Variants in SHC4 observed in about 807,000 individuals in gnomAD.
The protein encoded by SHC4 is SHC-transforming protein 4.
SHC4 carries 41 observed loss-of-function variants against 69.4 expected under a neutral mutation model. That is an observed-to-expected ratio of 0.59 (90% CI 0.46 to 0.77). SHC4 has a LOEUF of 0.77. SHC4 is among the 30% of genes least tolerant of loss of function. The pLI is 0.00. For synonymous variants in SHC4, 318 were observed against 299.3 expected, an observed-to-expected ratio of 1.06 and a Z score of -0.64; for missense variants, 777 against 783.8, an observed-to-expected ratio of 0.99 and a Z score of 0.10.
intron 2 of SHC4, among the ~76,000 whole-genome samples, chr15:48,904,940 AACACACACAC>A (rs71650107): frequency 6.2e-5 from 9 of 144,694 alleles, no homozygotes; most frequent in South Asian, 2.3e-4. Flanking sequence ...ACACAGACAC[AACACACACAC>A]ACACACACAC....
rs556959456 is a variant in SHC4 at position 48,963,053 on chromosome 15, A to G, written c.-38T>C. The G allele has an allele frequency of 1.7e-5, 27 of 1,551,776 alleles. No individual in the cohort carries two copies. In the African/African-American group the frequency reaches 3.5e-4, roughly 20 times the overall value. On this transcript the variant is annotated 5_prime_UTR_variant, in exon 1 of 12. Coordinates refer to ENST00000332408, the MANE Select transcript of SHC4 (RefSeq NM_203349.4). ...GCTGAAACAGGATACTGTTGCATAAATCGCCTCGTCGTCTGGTAGATAAAC... is the reference window on the plus strand; with the variant it reads ...GCTGAAACAGGATACTGTTGCATAAGTCGCCTCGTCGTCTGGTAGATAAAC...
In SHC4 at chr15:48,834,884, A is replaced by C; in HGVS notation, c.1622T>G (p.Val541Gly). ...TCGAACCAAAAAGTCCCCATCCTTT[A>C]CCAAGAGGCTCTCTGCCGCCTTCCT... is the stretch of plus-strand genomic sequence containing the variant. ...LSRKAAESLL[V>G]KDGDFLVRES... Residue 541 changes from valine to glycine, a missense_variant, in exon 11 of 12, where the codon GTA becomes GGA. Coordinates refer to ENST00000332408, the MANE Select transcript of SHC4 (RefSeq NM_203349.4). 6.2e-7 allele frequency: 1 copy of C among 1,614,160 alleles called. No individual in the cohort carries two copies. Among genetic ancestry groups the C allele is most frequent in the Non-Finnish European group, 8.5e-7 (1 of 1,180,026 alleles).
At chr15:48,950,298 G>T in intron 1 of SHC4, among the ~76,000 whole-genome samples, 1 of 148,622 alleles carries the variant, frequency 6.7e-6, no homozygotes, top group African/African-American at 2.5e-5. Context: ...TATTCCCTAT[G>T]GTTAAACTTC....
intron 1 of SHC4, among the ~76,000 whole-genome samples, chr15:48,929,184 T>C (rs1213431385): frequency 2.0e-5 from 3 of 152,172 alleles, no homozygotes; most frequent in African/African-American, 4.8e-5. Flanking sequence ...TGCATAAAAA[T>C]ACTCTGTCCA....
intron 9 of SHC4, among the ~76,000 whole-genome samples, chr15:48,845,379 G>C (rs1828696083): frequency 6.6e-6 from 1 of 152,178 alleles, no homozygotes; most frequent in South Asian, 2.1e-4. Flanking sequence ...TCTGTATGTG[G>C]GGTATCCTAA....
At chr15:48,840,921 T>C (rs1281462576) in intron 10 of SHC4, among the ~76,000 whole-genome samples, 1 of 151,956 alleles carries the variant, frequency 6.6e-6, no homozygotes, top group African/African-American at 2.4e-5. Flanking sequence ...GGGAGAAAGG[T>C]GAGGAAAAAA....
chr15:48,878,186 A>G (rs1486800664), intron 4 of SHC4: 3 of 1,555,208 alleles, frequency 1.9e-6, no homozygotes, highest in Non-Finnish European at 2.6e-6. Context: ...AATGTCGGAA[A>G]TGGCTGAGTT....
chr15:48,940,971 A>G (rs1335760212), intron 1 of SHC4, among the ~76,000 whole-genome samples: 2 of 152,224 alleles, frequency 1.3e-5, no homozygotes, highest in African/African-American at 4.8e-5. Flanking sequence ...ATGAAACACA[A>G]GAGTTGTCTG....
At chr15:48,895,543 G>A (rs187620621) in intron 2 of SHC4, among the ~76,000 whole-genome samples, 60 of 152,196 alleles carry the variant, frequency 3.9e-4, no homozygotes, top group African/African-American at 1.4e-3. Flanking sequence ...AGGCTTACTC[G>A]GATGCCCCTG....
intron 1 of SHC4, among the ~76,000 whole-genome samples, chr15:48,925,408 C>T (rs1048466943): frequency 4.6e-5 from 7 of 152,054 alleles, no homozygotes; most frequent in African/African-American, 9.7e-5. Context: ...ACGCCTGGTA[C>T]ATACAAAGGC....
At chr15:48,925,096 G>T in intron 1 of SHC4, 147 bp from the exon 2 acceptor site, 1 of 741,730 alleles carries the variant, frequency 1.3e-6, no homozygotes, top group African/African-American at 1.8e-5. Flanking sequence ...TGTTATTTCT[G>T]ACTGTTAATG....
chr15:48,880,140 C>T (rs923973776), intron 4 of SHC4: 2 of 167,082 alleles, frequency 1.2e-5, no homozygotes, highest in East Asian at 1.9e-4. Flanking sequence ...GCTTCTGCTC[C>T]ATTATAGCAG....
At chr15:48,932,980 T>C (rs1020847990) in intron 1 of SHC4, among the ~76,000 whole-genome samples, 2 of 152,174 alleles carry the variant, frequency 1.3e-5, no homozygotes, top group African/African-American at 4.8e-5. Context: ...AGGACTTAAA[T>C]AATATTAACT....
chr15:48,857,829 T>G lies in SHC4; in HGVS notation c.947-14A>C. ...ATATGTGACAGGCTGCAAGAGGACATACAAAAAATAATATTATAATAAATT... is the reference window on the plus strand; with the variant it reads ...ATATGTGACAGGCTGCAAGAGGACAGACAAAAAATAATATTATAATAAATT... On this transcript the variant is annotated splice_polypyrimidine_tract_variant and intron_variant, in intron 6 of 11. Transcript: ENST00000332408. 1 of 1,492,000 alleles carries G rather than the reference T, an allele frequency of 6.7e-7. No homozygotes were observed. The highest frequency in any genetic ancestry group is 8.9e-7 in the Non-Finnish European group (1 of 1,121,386). The allele number at this position is 1,492,000 out of a possible 1,614,324, so 92.4% of individuals were successfully genotyped here. A position where few individuals can be genotyped will look rare whatever the true frequency, so the allele number is the denominator to read the frequency against.
intron 11 of SHC4, among the ~76,000 whole-genome samples, chr15:48,828,808 T>A (rs1223332365): frequency 2.0e-5 from 3 of 152,246 alleles, no homozygotes; most frequent in African/African-American, 7.2e-5. Context: ...TTTTTTGGTC[T>A]TTTTGGAGAA....
chr15:48,900,237 G>C (rs1165036451), intron 2 of SHC4, among the ~76,000 whole-genome samples: 1 of 152,172 alleles, frequency 6.6e-6, no homozygotes, highest in Non-Finnish European at 1.5e-5. Flanking sequence ...GCTGGGCGCA[G>C]TGGCTCACAC....
intron 11 of SHC4, among the ~76,000 whole-genome samples, chr15:48,830,603 A>T (rs960634577): frequency 6.6e-6 from 1 of 152,224 alleles, no homozygotes; most frequent in Non-Finnish European, 1.5e-5. Flanking sequence ...CAGGCAAAGA[A>T]AAAGAAGAAG....
rs386382928 is a variant in SHC4, at chr15:48,919,295, A to ATTTTTTTTTTTTTT, written c.656+5570_656+5583dup. ...CTCACACTCTTAAAAATTTATTTTA[A>ATTTTTTTTTTTTTT]TTTTTTTTTTTTTTTTTTTTGTAGA... On this transcript the variant is annotated intron_variant, in intron 2 of 11. Coordinates refer to ENST00000332408, the MANE Select transcript of SHC4 (RefSeq NM_203349.4). 4.7e-3 allele frequency among the ~76,000 whole-genome samples: 338 copies of ATTTTTTTTTTTTTT among 71,236 alleles called. 51 individuals are homozygous for ATTTTTTTTTTTTTT. Among genetic ancestry groups the ATTTTTTTTTTTTTT allele is most frequent in the African/African-American group, 6.0e-3 (115 of 19,170 alleles). The allele number at this position is 71,236 out of a possible 152,430, so 46.7% of individuals were successfully genotyped here.
intron 2 of SHC4, among the ~76,000 whole-genome samples, chr15:48,920,242 C>T (rs1317659071): frequency 2.6e-5 from 4 of 151,430 alleles, no homozygotes; most frequent in Admixed American, 1.3e-4. Context: ...AGGATGGTCT[C>T]GATCTCCTGA....
Sources: gnomAD v4.1 joint callset for allele counts (sites outside exome capture counted in the v4.1 genomes callset) on GRCh38, gnomAD v4.1.1 for gene constraint, MANE v1.5 for transcripts, NCBI Gene and HGNC (gene_info 2026-07-23, HGNC 2026-07-21) for gene names.